NSF: variants seen among roughly 807,000 people sequenced by gnomAD.
NSF encodes N-ethylmaleimide sensitive factor, vesicle fusing ATPase.
In NSF, 14 loss-of-function variants were observed where a neutral mutation model predicts 50.3. The ratio of observed to expected loss-of-function variants is 0.28; its 90% CI spans 0.18 to 0.44. NSF has a LOEUF of 0.44. Among genes scored for constraint, NSF ranks in the 20% least tolerant of loss-of-function variants. The pLI is 1.00. For synonymous variants in NSF, 109 were observed against 175.7 expected, an observed-to-expected ratio of 0.62 and a Z score of 3.00; for missense variants, 218 against 504.3, an observed-to-expected ratio of 0.43 and a Z score of 5.44.
chr17:46,732,395 T>C (rs189816152), intron 17 of NSF, among the ~76,000 whole-genome samples: 1 of 120,452 alleles, frequency 8.3e-6, no homozygotes, highest in Admixed American at 1.0e-4. Context: ...TTATTAAAAC[T>C]GGTTCCCAAG....
At chr17:46,691,353 G>C (rs2058544010) in intron 9 of NSF, among the ~76,000 whole-genome samples, 1 of 100,234 alleles carries the variant, frequency 1.0e-5, no homozygotes, top group African/African-American at 4.2e-5. Flanking sequence ...CCAGCACTTT[G>C]GGAGGCTGCG....
At chr17:46,739,362 C>T in intron 17 of NSF, among the ~76,000 whole-genome samples, 1 of 96,586 alleles carries the variant, frequency 1.0e-5, no homozygotes, top group African/African-American at 4.3e-5. Flanking sequence ...CAGAGCGAGA[C>T]TCTGTCTCAA....
At chr17:46,733,036 C>T (rs1470670760) in intron 17 of NSF, among the ~76,000 whole-genome samples, 1 of 152,190 alleles carries the variant, frequency 6.6e-6, no homozygotes, top group Non-Finnish European at 1.5e-5. Context: ...CTGCAGTTCA[C>T]CCTCCCTGAG....
chr17:46,721,826 T>C, intron 15 of NSF: 2 of 1,598,092 alleles, frequency 1.3e-6, no homozygotes, highest in African/African-American at 1.3e-5. Context: ...GGGACACTTT[T>C]GCTTATTTTT....
chr17:46,712,050 A>G (rs1234468714), intron 14 of NSF, among the ~76,000 whole-genome samples: 2 of 152,220 alleles, frequency 1.3e-5, no homozygotes, highest in African/African-American at 2.4e-5. Context: ...AAGCCACATC[A>G]TCATCACTGC....
intron 2 of NSF, among the ~76,000 whole-genome samples, chr17:46,626,001 T>A (rs1315036214): frequency 6.7e-6 from 1 of 149,328 alleles, no homozygotes; most frequent in Admixed American, 6.6e-5. Flanking sequence ...GGACTGTTTT[T>A]TTTTTTATTT....
At position 46,740,220 on chromosome 17, in the gene NSF, A is replaced by G. The variant is rs1323449102; in HGVS notation, c.1909-9553A>G. On this transcript the variant is annotated intron_variant, in intron 17 of 20. Coordinates refer to ENST00000398238, the MANE Select transcript of NSF (RefSeq NM_006178.4). ...TTGGCCTCCAGATAAGTAAGGCATT[A>G]TTATTGGATATAGTAAATTCATGTT... 3.9e-5 allele frequency among the ~76,000 whole-genome samples: 6 copies of G among 152,280 alleles called. No individual in the cohort carries two copies. The East Asian group carries it at 1.2e-3, about 29-fold the overall frequency.
chr17:46,735,384 G>T (rs1168059485), intron 17 of NSF, among the ~76,000 whole-genome samples: 1 of 151,496 alleles, frequency 6.6e-6, no homozygotes, highest in Non-Finnish European at 1.5e-5. Flanking sequence ...GGATTATAAC[G>T]TCGTAGTAGT....
At chr17:46,722,221 G>C in intron 15 of NSF, 1 of 1,397,620 alleles carries the variant, frequency 7.2e-7, no homozygotes, top group South Asian at 1.2e-5. Context: ...CCCAAATCTC[G>C]CGAGAGCACG....
At chr17:46,732,765 A>G (rs1422290147) in intron 17 of NSF, among the ~76,000 whole-genome samples, 3 of 152,232 alleles carry the variant, frequency 2.0e-5, no homozygotes, top group Non-Finnish European at 4.4e-5. Context: ...TATTTCAATC[A>G]AGTTTCCCTG....
At chr17:46,754,000 C>A (rs999231901) in intron 19 of NSF, among the ~76,000 whole-genome samples, 2 of 152,104 alleles carry the variant, frequency 1.3e-5, no homozygotes, top group African/African-American at 4.8e-5. Flanking sequence ...GGAATAAAGT[C>A]ATTTATCTAG....
chr17:46,726,294 TGTG>T (rs1471804567), intron 15 of NSF, among the ~76,000 whole-genome samples: 8 of 152,166 alleles, frequency 5.3e-5, no homozygotes, highest in Non-Finnish European at 8.8e-5. Context: ...AGTGATGGGA[TGTG>T]TCAGTTGATT....
chr17:46,739,694 A>G (rs1202839244), intron 17 of NSF, among the ~76,000 whole-genome samples: 2 of 151,412 alleles, frequency 1.3e-5, no homozygotes, highest in African/African-American at 2.4e-5. Context: ...ATATTACTAT[A>G]TTAATATTTT....
intron 10 of NSF, among the ~76,000 whole-genome samples, chr17:46,693,570 T>TA (rs1407351673): frequency 6.8e-6 from 1 of 146,074 alleles, no homozygotes; most frequent in African/African-American, 2.5e-5. Flanking sequence ...CACTGGCCTG[T>TA]AAAAAAGAGA....
At chr17:46,742,325 A>T (rs1306854991) in intron 17 of NSF, among the ~76,000 whole-genome samples, 1 of 152,248 alleles carries the variant, frequency 6.6e-6, no homozygotes, top group African/African-American at 2.4e-5. Context: ...TTCTAGGACC[A>T]GAAAGTAATA....
chr17:46,731,664 G>A (rs2058950353), intron 17 of NSF, among the ~76,000 whole-genome samples: 1 of 152,090 alleles, frequency 6.6e-6, no homozygotes, highest in Non-Finnish European at 1.5e-5. Flanking sequence ...TTTATCTAAG[G>A]ACTGAAGAGG....
intron 17 of NSF, among the ~76,000 whole-genome samples, chr17:46,738,869 A>G (rs1269732151): frequency 1.3e-5 from 2 of 152,278 alleles, no homozygotes; most frequent in Non-Finnish European, 2.9e-5. Flanking sequence ...TGGGAGGCCA[A>G]GGCAGGAGGA....
At chr17:46,744,003 C>T (rs1042220507) in intron 17 of NSF, among the ~76,000 whole-genome samples, 2 of 152,144 alleles carry the variant, frequency 1.3e-5, no homozygotes, top group African/African-American at 4.8e-5. Flanking sequence ...TTTTCAAGGG[C>T]CTTGCCAGTG....
Position 46,721,808 on chromosome 17 carries a change from C to A in NSF, c.1762-4741C>A, listed in dbSNP as rs1374255836. On this transcript the variant is annotated intron_variant, in intron 15 of 20. Coordinates refer to ENST00000398238, the MANE Select transcript of NSF (RefSeq NM_006178.4). ...GGCATCGTGCACAGCTGTCAGAGTACGGCTCCTGGGACACTTTTGCTTATT... is the reference window on the plus strand; with the variant it reads ...GGCATCGTGCACAGCTGTCAGAGTAAGGCTCCTGGGACACTTTTGCTTATT... The A allele has an allele frequency of 8.8e-6, 14 of 1,599,360 alleles. No individual in the cohort carries two copies. In the Admixed American group the frequency reaches 2.2e-4, roughly 25 times the overall value.
Sources: gnomAD v4.1 joint callset for allele counts (sites outside exome capture counted in the v4.1 genomes callset) on GRCh38, gnomAD v4.1.1 for gene constraint, MANE v1.5 for transcripts, NCBI Gene and HGNC (gene_info 2026-07-23, HGNC 2026-07-21) for gene names.